Variants in CA10 observed in about 807,000 individuals in gnomAD.
The protein encoded by CA10 is carbonic anhydrase 10 (inactive).
In CA10, 14 loss-of-function variants were observed where a neutral mutation model predicts 44.2. The observed-to-expected ratio is 0.32, with a 90% CI of 0.21 to 0.50. The LOEUF (loss-of-function observed/expected upper bound fraction) is 0.50. CA10 is among the 20% of genes least tolerant of loss of function. The probability of loss-of-function intolerance (pLI) is 0.99; values close to 1 mark genes in which losing one functional copy is unlikely to be tolerated. For missense variants in CA10, 350 were observed against 409.7 expected (o/e 0.85, Z 1.26); for synonymous variants, 159 against 141.6 (o/e 1.12, Z -0.87).
At chr17:51,633,682 C>T in intron 7 of CA10, 32 bp from the exon 8 acceptor site, 1 of 1,606,538 alleles carries the variant, frequency 6.2e-7, no homozygotes, top group Non-Finnish European at 8.5e-7. Flanking sequence ...TGAGATCCAA[C>T]CATCCTCTTA....
intron 7 of CA10, among the ~76,000 whole-genome samples, chr17:51,634,296 G>A (rs1173721571): frequency 6.6e-6 from 1 of 152,210 alleles, no homozygotes; most frequent in Non-Finnish European, 1.5e-5. Flanking sequence ...TGCCCTCGTA[G>A]CTCTCAAATA....
rs181762990 is a variant in CA10, at chr17:52,143,448, T to A, written c.61+14278A>T. Among the ~76,000 whole-genome samples, 1,229 of 152,306 alleles carry A rather than the reference T, an allele frequency of 8.1e-3. 16 individuals carry two copies. The highest frequency in any genetic ancestry group is 0.028 in the African/African-American group (1,166 of 41,562). On this transcript the variant is annotated intron_variant, in intron 1 of 8. Transcript: ENST00000451037. The stretch of plus-strand genomic sequence containing the variant: ...ATCTGTTTTTTCTCTTTTTTCCCAA[T>A]TATTTTAAATTGGATTATGTTAGTG...
intron 4 of CA10, among the ~76,000 whole-genome samples, chr17:51,704,034 G>A (rs1297400936): frequency 1.3e-5 from 2 of 152,148 alleles, no homozygotes; most frequent in Admixed American, 1.3e-4. Context: ...TTTCACTAAA[G>A]GAAAACTGAT....
intron 4 of CA10, among the ~76,000 whole-genome samples, chr17:51,733,844 C>T (rs1404347341): frequency 6.6e-6 from 1 of 152,018 alleles, no homozygotes; most frequent in Non-Finnish European, 1.5e-5. Flanking sequence ...TAGGGGTGTT[C>T]AATGCAAAGA....
intron 3 of CA10, among the ~76,000 whole-genome samples, chr17:51,832,969 C>G (rs1437161591): frequency 4.6e-5 from 7 of 152,120 alleles, no homozygotes; most frequent in Non-Finnish European, 8.8e-5. Context: ...TTCTGAGGTT[C>G]TTTTCAGTTC....
At position 52,157,832 on chromosome 17, in the gene CA10, G is replaced by T; in HGVS notation, c.-46C>A. On this transcript the variant is annotated 5_prime_UTR_variant, in exon 1 of 9. Transcript: ENST00000451037. ...TGCATCACTCGACGGGAAAACGGGGGGAAGGGGGGAGCCCGACACGGCACA... is the reference window on the plus strand; with the variant it reads ...TGCATCACTCGACGGGAAAACGGGGTGAAGGGGGGAGCCCGACACGGCACA... 3 of 1,519,376 alleles carry T rather than the reference G, an allele frequency of 2.0e-6. No homozygotes were observed. Among genetic ancestry groups the T allele is most frequent in the Non-Finnish European group, 2.7e-6 (3 of 1,093,650 alleles). 94.1% of individuals were successfully genotyped at this position (1,519,376 alleles called of 1,614,324 possible).
intron 2 of CA10, among the ~76,000 whole-genome samples, chr17:52,020,316 G>C (rs1227132082): frequency 6.6e-6 from 1 of 151,874 alleles, no homozygotes; most frequent in African/African-American, 2.4e-5. Context: ...CATTGTTTTG[G>C]GGGGGTGGTA....
intron 2 of CA10, among the ~76,000 whole-genome samples, chr17:51,943,050 G>C (rs148209750): frequency 1.1e-3 from 173 of 152,228 alleles, no homozygotes; most frequent in African/African-American, 4.0e-3. Context: ...AGAATGAGTG[G>C]AGAATTATTC....
chr17:51,727,897 AT>A (rs559306058), intron 4 of CA10, among the ~76,000 whole-genome samples: 76 of 152,118 alleles, frequency 5.0e-4, no homozygotes, highest in Non-Finnish European at 9.4e-4. Flanking sequence ...ACTTAAAAAA[AT>A]TTTTTTAAGG....
intron 2 of CA10, among the ~76,000 whole-genome samples, chr17:52,030,453 AT>A (rs1320773905): frequency 5.3e-5 from 8 of 152,286 alleles, no homozygotes; most frequent in African/African-American, 1.9e-4. Context: ...TCCTGTGGGA[AT>A]TGAAGAATCC....
chr17:51,799,388 C>G (rs1906840546), intron 3 of CA10, among the ~76,000 whole-genome samples: 1 of 152,116 alleles, frequency 6.6e-6, no homozygotes, highest in Non-Finnish European at 1.5e-5. Context: ...CTCTGCTAAA[C>G]TCACTTTGTT....
chr17:51,891,294 C>A (rs979989081), intron 3 of CA10, among the ~76,000 whole-genome samples: 1 of 151,920 alleles, frequency 6.6e-6, no homozygotes, highest in African/African-American at 2.4e-5. Flanking sequence ...AGACAGATAC[C>A]CAAATAACTG....
intron 3 of CA10, among the ~76,000 whole-genome samples, chr17:51,909,084 A>T (rs184658576): frequency 1.2e-4 from 18 of 152,314 alleles, no homozygotes; most frequent in African/African-American, 4.3e-4. Flanking sequence ...TCCAGCGCAC[A>T]TGATATTTCA....
rs3031848 is a variant in CA10 at position 51,717,529 on chromosome 17, G to GTATA, written c.465+30100_465+30103dup. On this transcript the variant is annotated intron_variant, in intron 4 of 8. Coordinates refer to ENST00000451037, the MANE Select transcript of CA10 (RefSeq NM_020178.5). Reference sequence around the variant, plus strand: ...AATCAACAAGTGGATAAAGAAACTGGTATATATATATATATATATATATAT... The same window carrying GTATA: ...AATCAACAAGTGGATAAAGAAACTGGTATATATATATATATATATATATATATAT... 9.3e-3 allele frequency among the ~76,000 whole-genome samples: 464 copies of GTATA among 50,158 alleles called. 20 individuals are homozygous for GTATA. The highest frequency in any genetic ancestry group is 0.011 in the Non-Finnish European group (255 of 24,254). 32.9% of individuals were successfully genotyped at this position (50,158 alleles called of 152,430 possible). A position where few individuals can be genotyped will look rare whatever the true frequency, so the allele number is the denominator to read the frequency against.
intron 1 of CA10, among the ~76,000 whole-genome samples, chr17:52,093,301 A>C (rs568884107): frequency 6.6e-6 from 1 of 152,300 alleles, no homozygotes; most frequent in African/African-American, 2.4e-5. Context: ...TCATCTAAGC[A>C]AATCTTTCAC....
rs1000874023 is a variant in CA10, at chr17:52,020,198, A to G, written c.136+52121T>C. Among the ~76,000 whole-genome samples the G allele has an allele frequency of 7.2e-5, 11 of 152,048 alleles. 1 individual carries two copies. The Middle Eastern group carries it at 0.02, about 282-fold the overall frequency. ...TTTTGCCTTAAATCTACATTACCTC[A>G]TATTAAACAATTTGGATGATATATT... On this transcript the variant is annotated intron_variant, in intron 2 of 8. Coordinates refer to ENST00000451037, the MANE Select transcript of CA10 (RefSeq NM_020178.5).
chr17:52,142,850 CA>C (rs1989511586), intron 1 of CA10, among the ~76,000 whole-genome samples: 1 of 152,188 alleles, frequency 6.6e-6, no homozygotes, highest in Admixed American at 6.5e-5. Context: ...TTAACTTACC[CA>C]AAGCCAACCA....
intron 1 of CA10, among the ~76,000 whole-genome samples, chr17:52,112,645 A>G (rs552341540): frequency 6.6e-6 from 1 of 152,348 alleles, no homozygotes; most frequent in African/African-American, 2.4e-5. Context: ...ACTATCTACC[A>G]CTTAGGGTTG....
chr17:52,012,865 T>G (rs1161785006), intron 2 of CA10, among the ~76,000 whole-genome samples: 1 of 152,016 alleles, frequency 6.6e-6, no homozygotes, highest in Non-Finnish European at 1.5e-5. Context: ...AGGTGGCTGT[T>G]AGCATTTTTT....
Sources: allele counts gnomAD v4.1 joint callset (sites outside exome capture counted in the v4.1 genomes callset), GRCh38; gene constraint gnomAD v4.1.1; transcripts MANE v1.5; gene names NCBI Gene and HGNC (gene_info 2026-07-23, HGNC 2026-07-21).